Variants in C3 observed in about 807,000 individuals in gnomAD.
The protein encoded by C3 is complement C3, also known as C3 and PZP-like alpha-2-macroglobulin domain-containing protein 1.
C3 carries 97 observed loss-of-function variants against 207.9 expected under a neutral mutation model. The observed-to-expected ratio is 0.47, with a 90% CI of 0.40 to 0.55. The LOEUF is 0.55. Among genes scored for constraint, C3 ranks in the 20% least tolerant of loss-of-function variants. The pLI is 0.00. For synonymous variants in C3, 848 were observed against 857.6 expected (o/e 0.99, Z 0.20); for missense variants, 1,684 against 2,171.7 (o/e 0.78, Z 4.46).
At chr19:6,701,080 G>A (rs573831546) in intron 19 of C3, among the ~76,000 whole-genome samples, 21 of 152,084 alleles carry the variant, frequency 1.4e-4, no homozygotes, top group South Asian at 1.0e-3. Flanking sequence ...TACTGACAGC[G>A]CTGCTCACTG....
At chr19:6,683,757 C>T (rs1917928138) in intron 33 of C3, among the ~76,000 whole-genome samples, 1 of 152,226 alleles carries the variant, frequency 6.6e-6, no homozygotes, top group Non-Finnish European at 1.5e-5. Context: ...GGCCATTTCC[C>T]TGTATCTTTA....
intron 33 of C3, among the ~76,000 whole-genome samples, chr19:6,683,552 G>A (rs941402120): frequency 4.3e-5 from 6 of 139,474 alleles, no homozygotes; most frequent in Non-Finnish European, 7.6e-5. Flanking sequence ...CTGGGTTCAC[G>A]CCATTCTTCT....
At chr19:6,708,836 G>T (rs1008052495) in intron 14 of C3, among the ~76,000 whole-genome samples, 1 of 151,632 alleles carries the variant, frequency 6.6e-6, no homozygotes, top group African/African-American at 2.4e-5. Context: ...ACAGGCATGC[G>T]CCATCATGCC....
chr19:6,697,989 TTTATTA>T lies in C3; in HGVS notation c.2441-201_2441-196del, dbSNP rs146892701. On this transcript the variant is annotated intron_variant, in intron 19 of 40. Transcript: ENST00000245907. ...TGGTGGTGGCTGGGAGTTACCATTA[TTTATTA>T]TTATTATTATTATTATTATTATTAT... 5.7e-3 allele frequency among the ~76,000 whole-genome samples: 346 copies of T among 61,206 alleles called. 1 individual carries two copies. The highest frequency in any genetic ancestry group is 8.0e-3 in the Admixed American group (39 of 4,898). The allele number at this position is 61,206 out of a possible 152,430, so 40.2% of individuals were successfully genotyped here. A position where few individuals can be genotyped will look rare whatever the true frequency, so the allele number is the denominator to read the frequency against.
chr19:6,694,345 G>A (rs562208801), intron 24 of C3, 86 bp downstream of exon 24: 4 of 1,189,752 alleles, frequency 3.4e-6, no homozygotes, highest in African/African-American at 3.0e-5. Flanking sequence ...AGGGGAGGGC[G>A]TGGTCTTGAG....
chr19:6,697,423 C>G lies in C3; in HGVS notation c.2717G>C (p.Gly906Ala). Residue 906 changes from glycine to alanine, a missense_variant, in exon 21 of 41, where the codon GGC (glycine) becomes GCC (alanine). This residue lies in a region of C3 where 1,280 missense variants were observed against 1,739.1 expected (regional missense o/e 0.74). Transcript: ENST00000245907. Reference protein sequence around the residue: ...VPYVIVPLKTGLQEVEVKAAV... With the variant: ...VPYVIVPLKTALQEVEVKAAV... ...AGCCTTGACTTCCACTTCCTGCAGG[C>G]CGGTCTTTAGCGGCACGATGACATA... 1 of 1,613,960 alleles carries G rather than the reference C, an allele frequency of 6.2e-7. No homozygotes were observed. The highest frequency in any genetic ancestry group is 8.5e-7 in the Non-Finnish European group (1 of 1,180,008).
chr19:6,681,611 T>C (rs1274248224), intron 35 of C3, among the ~76,000 whole-genome samples: 1 of 151,258 alleles, frequency 6.6e-6, no homozygotes, highest in African/African-American at 2.4e-5. Flanking sequence ...CAGGATTGGG[T>C]TAGGGAACGA....
chr19:6,684,768 T>C lies in C3; in HGVS notation c.4029+7A>G. 6.2e-7 allele frequency: 1 copy of C among 1,614,132 alleles called. No individual in the cohort carries two copies. The highest frequency in any genetic ancestry group is 2.2e-5 in the East Asian group (1 of 44,880). ...GGGCCAGGCAGGTGTGGGTTTCTGT[T>C]CCTTACCGACAAGGTGCCTTGGCCT... On this transcript the variant is annotated splice_region_variant and intron_variant, in intron 31 of 40. Coordinates refer to ENST00000245907, the MANE Select transcript of C3 (RefSeq NM_000064.4).
At chr19:6,687,384 T>C (rs977106541) in intron 27 of C3, among the ~76,000 whole-genome samples, 2 of 152,176 alleles carry the variant, frequency 1.3e-5, no homozygotes, top group Non-Finnish European at 2.9e-5. Context: ...CTTTATCTTC[T>C]TCATCATCAT....
At position 6,678,057 on chromosome 19, in the gene C3, T is replaced by C. The variant is rs1244080081; in HGVS notation, c.4851-34A>G. 4 of 1,613,204 alleles carry C rather than the reference T, an allele frequency of 2.5e-6. No homozygotes were observed. The East Asian group carries it at 8.9e-5, about 36-fold the overall frequency. ...AAGAATGGCAGGTCAGGAAGGGGCGTGGTGTGGGCGTGGCGCAGGGGCGTG... is the reference window on the plus strand; with the variant it reads ...AAGAATGGCAGGTCAGGAAGGGGCGCGGTGTGGGCGTGGCGCAGGGGCGTG... On this transcript the variant is annotated intron_variant, in intron 40 of 40. Transcript: ENST00000245907.
intron 26 of C3, among the ~76,000 whole-genome samples, chr19:6,692,469 G>A (rs1568214926): frequency 6.6e-6 from 1 of 152,156 alleles, no homozygotes; most frequent in Non-Finnish European, 1.5e-5. Flanking sequence ...CAACAAAAGT[G>A]GGAGGCCACC....
At chr19:6,707,995 T>G in intron 14 of C3, 66 bp from the exon 15 acceptor site, 2 of 1,593,370 alleles carry the variant, frequency 1.3e-6, no homozygotes, top group South Asian at 1.1e-5. Flanking sequence ...CCCCCACATA[T>G]GCACCTGTGT....
At position 6,693,066 on chromosome 19, in the gene C3, A is replaced by G; in HGVS notation, c.3248T>C (p.Val1083Ala). Residue 1083 changes from valine (V) to alanine (A), a missense_variant, in exon 26 of 41, where the codon GTC becomes GCC. Physicochemically the swap from Val to Ala is moderately conservative, Grantham distance 64. This residue lies in a region of C3 where 1,280 missense variants were observed against 1,739.1 expected (regional missense o/e 0.74). Transcript: ENST00000245907. ...GTTGACAGCCAGAGAGAAGACCTTG[A>G]CCACGTAGGCGGTCAGCCTGGAGTG... ...APSTWLTAYVVKVFSLAVNLI... is the reference protein window; with the variant it reads ...APSTWLTAYVAKVFSLAVNLI... 6.2e-7 allele frequency: 1 copy of G among 1,614,054 alleles called. No individual in the cohort carries two copies.
chr19:6,713,919 C>G (rs1350201473), intron 7 of C3, 73 bp downstream of exon 7: 1 of 904,848 alleles, frequency 1.1e-6, no homozygotes, highest in Non-Finnish European at 1.7e-6. Context: ...CCTGACTCCA[C>G]CCCCAGTCCC....
In C3 at chr19:6,707,232, C is replaced by A; in HGVS notation, c.2089G>T (p.Gly697Cys). 1 of 1,613,198 alleles carries A rather than the reference C, an allele frequency of 6.2e-7. No homozygotes were observed. The highest frequency in any genetic ancestry group is 8.5e-7 in the Non-Finnish European group (1 of 1,179,678). Reference protein sequence around the residue: ...PKELRKCCEDGMRENPMRFSC... With the variant: ...PKELRKCCEDCMRENPMRFSC... The stretch of plus-strand genomic sequence containing the variant: ...AACCTCATGGGGTTCTCCCGCATGC[C>A]GTCCTCGCAGCACTTGCGCAGCTCC... Residue 697 changes from glycine to cysteine, a missense_variant, in exon 17 of 41, where the codon GGC becomes TGC. By Grantham distance (159) the Gly-to-Cys change is radical. Transcript: ENST00000245907.
chr19:6,719,421 G>A lies in C3; in HGVS notation c.75-18C>T, dbSNP rs748615378. On this transcript the variant is annotated intron_variant, in intron 1 of 40. Transcript: ENST00000245907. The surrounding 1 kb of genome is among the most constrained non-coding windows in gnomAD (Gnocchi z 5.4). ...TAGAGTACCTGTCGGAGTGGGGCAC[G>A]GGAGTGGGCTTGTCATTCCACGGAT... 3.7e-6 allele frequency: 6 copies of A among 1,611,280 alleles called. 1 individual carries two copies. Among genetic ancestry groups the A allele is most frequent in the Middle Eastern group, 1.7e-4 (1 of 6,032 alleles).
intron 2 of C3, 151 bp from the exon 3 acceptor site, chr19:6,718,563 A>T: frequency 3.8e-6 from 3 of 796,738 alleles, no homozygotes; most frequent in South Asian, 3.2e-5. Context: ...CATGTGAAGG[A>T]GGTGCGAGGG....
rs755251519 is a variant in C3, at chr19:6,681,950, G to A, written c.4341C>T (p.Tyr1447=). The change falls in exon 35 of 41, where the codon TAC becomes TAT. Residue 1447 remains tyrosine (Y), a synonymous_variant. Coordinates refer to ENST00000245907, the MANE Select transcript of C3 (RefSeq NM_000064.4). The part of the protein sequence containing the change: ...AFSDRNTLII[Y]LDKVSHSEDD... ...GATGATGCAGCCTTACCTTGTCCAG[G>A]TAGATGATGAGGGTGTTCCTATCGG... The A allele has an allele frequency of 8.7e-6, 14 of 1,613,396 alleles. No homozygotes were observed. Among genetic ancestry groups the A allele is most frequent in the African/African-American group, 1.3e-5 (1 of 75,018 alleles).
At chr19:6,680,610 C>T (rs1369390917) in intron 35 of C3, among the ~76,000 whole-genome samples, 1 of 152,150 alleles carries the variant, frequency 6.6e-6, no homozygotes, top group Non-Finnish European at 1.5e-5. Flanking sequence ...GTGCTTGGAT[C>T]CCTGAGAGAC....
Sources: gnomAD v4.1 joint callset for allele counts (sites outside exome capture counted in the v4.1 genomes callset) on GRCh38, gnomAD v4.1.1 for gene constraint, gnomAD v4.1.1 regional missense constraint, Gnocchi (gnomAD v3.1) non-coding constraint, MANE v1.5 for transcripts, NCBI Gene and HGNC (gene_info 2026-07-23, HGNC 2026-07-21) for gene names.